AMN1: variants seen among roughly 807,000 people sequenced by gnomAD.
AMN1 encodes protein AMN1 homolog.
A neutral mutation model predicts 33.0 loss-of-function variants in AMN1; 20 were observed. The ratio of observed to expected loss-of-function variants is 0.61; its 90% CI spans 0.43 to 0.88. The LOEUF (loss-of-function observed/expected upper bound fraction) is 0.88. Among genes scored for constraint, AMN1 ranks in the 40% least tolerant of loss-of-function variants. The pLI, the probability that AMN1 is intolerant of heterozygous loss-of-function variation, is 0.00. For synonymous variants in AMN1, 114 were observed against 111.9 expected (o/e 1.02, Z -0.12); for missense variants, 246 against 307.4 (o/e 0.80, Z 1.49).
At chr12:31,684,829 C>T (rs1244011491) in intron 6 of AMN1, among the ~76,000 whole-genome samples, 1 of 152,012 alleles carries the variant, frequency 6.6e-6, no homozygotes, top group African/African-American at 2.4e-5. Context: ...TTGAAAAATA[C>T]TACCAGAAAG....
At chr12:31,697,306 T>C in intron 5 of AMN1, 55 bp downstream of exon 5, 1 of 1,495,738 alleles carries the variant, frequency 6.7e-7, no homozygotes, top group South Asian at 1.2e-5. Context: ...TAAACATAAT[T>C]TCTAAGAATA....
At chr12:31,673,566 C>T in intron 6 of AMN1, 1 of 381,414 alleles carries the variant, frequency 2.6e-6, no homozygotes, top group East Asian at 7.9e-5. Flanking sequence ...TAAATGGCAA[C>T]CATGACAAAG....
At chr12:31,689,578 C>T (rs1242903663) in intron 5 of AMN1, among the ~76,000 whole-genome samples, 1 of 152,102 alleles carries the variant, frequency 6.6e-6, no homozygotes, top group Non-Finnish European at 1.5e-5. Flanking sequence ...CTTTGGCAAA[C>T]AGTATGGTAG....
chr12:31,716,407 A>G (rs1228548584), intron 1 of AMN1, among the ~76,000 whole-genome samples: 1 of 152,162 alleles, frequency 6.6e-6, no homozygotes, highest in Non-Finnish European at 1.5e-5. Context: ...TAGGGTAGGC[A>G]TATGTTTAGC....
intron 1 of AMN1, among the ~76,000 whole-genome samples, chr12:31,719,666 G>A (rs1211287366): frequency 1.3e-5 from 2 of 152,082 alleles, no homozygotes; most frequent in Non-Finnish European, 2.9e-5. Context: ...ATGTAATTTG[G>A]TACAAGCATC....
At chr12:31,722,449 A>C (rs1359393635) in intron 1 of AMN1, among the ~76,000 whole-genome samples, 2 of 152,130 alleles carry the variant, frequency 1.3e-5, no homozygotes, top group Non-Finnish European at 2.9e-5. Context: ...ACTTTTAAAA[A>C]ATCCACTAAA....
intron 1 of AMN1, chr12:31,719,165 C>T (rs1939791185): frequency 5.7e-6 from 1 of 174,728 alleles, no homozygotes; most frequent in African/African-American, 2.4e-5. Flanking sequence ...TCAGCTCGCC[C>T]TCCGTGGGCT....
chr12:31,702,079 T>C, intron 2 of AMN1, 72 bp from the exon 3 acceptor site: 9 of 1,360,298 alleles, frequency 6.6e-6, no homozygotes, highest in Non-Finnish European at 8.9e-6. Flanking sequence ...ATATTCAGTG[T>C]TTTGGTGGTC....
At chr12:31,677,027 G>A (rs760776837) in intron 6 of AMN1, among the ~76,000 whole-genome samples, 2 of 151,698 alleles carry the variant, frequency 1.3e-5, no homozygotes, top group South Asian at 2.1e-4. Flanking sequence ...GGCCGGGCGC[G>A]GCGGCTCACA....
chr12:31,681,665 G>A (rs546400442), intron 6 of AMN1, among the ~76,000 whole-genome samples: 5 of 152,254 alleles, frequency 3.3e-5, no homozygotes, highest in South Asian at 4.1e-4. Flanking sequence ...ATCAGCGTTC[G>A]TTTTACTGTA....
At position 31,687,687 on chromosome 12, in the gene AMN1, A is replaced by C. The variant is rs1277630220; in HGVS notation, c.703+1320T>G. Among the ~76,000 whole-genome samples the C allele has an allele frequency of 2.7e-4, 35 of 127,870 alleles. No individual in the cohort carries two copies. The highest frequency in any genetic ancestry group is 5.2e-4 in the Admixed American group (7 of 13,348). The allele number at this position is 127,870 out of a possible 152,430, so 83.9% of individuals were successfully genotyped here. A position where few individuals can be genotyped will look rare whatever the true frequency, so the allele number is the denominator to read the frequency against. On this transcript the variant is annotated intron_variant, in intron 6 of 6. Coordinates refer to ENST00000281471, the MANE Select transcript of AMN1 (RefSeq NM_001113402.2). The surrounding 1 kb of genome is among the most constrained non-coding windows in gnomAD (Gnocchi z 4.1). Reference sequence around the variant, plus strand: ...GGGTGACAGAGCGAGATTCTGTCTCAAAAAAAAAAAAAAGAATAATTGGAA... The same window carrying C: ...GGGTGACAGAGCGAGATTCTGTCTCCAAAAAAAAAAAAAGAATAATTGGAA...
intron 1 of AMN1, chr12:31,719,287 T>A (rs1939795689): frequency 2.2e-5 from 20 of 893,226 alleles, no homozygotes; most frequent in Non-Finnish European, 2.7e-5. Context: ...CTGGAGCTGT[T>A]CCCATTTAGC....
At chr12:31,679,532 A>G (rs1486077380) in intron 6 of AMN1, among the ~76,000 whole-genome samples, 2 of 152,106 alleles carry the variant, frequency 1.3e-5, no homozygotes, top group Middle Eastern at 3.2e-3. Context: ...CTCCATTTCA[A>G]AAAAAAGAAC....
chr12:31,725,860 T>C (rs1229455867), intron 1 of AMN1, among the ~76,000 whole-genome samples: 1 of 152,088 alleles, frequency 6.6e-6, no homozygotes, highest in African/African-American at 2.4e-5. Context: ...CATGCCCAGT[T>C]AATTTTTTTT....
At chr12:31,685,401 T>C (rs1938213300) in intron 6 of AMN1, among the ~76,000 whole-genome samples, 1 of 152,200 alleles carries the variant, frequency 6.6e-6, no homozygotes, top group African/African-American at 2.4e-5. Context: ...AATTCTACTT[T>C]TGTCTCCCTT....
In AMN1 at chr12:31,697,951, T is replaced by G; in HGVS notation, c.323A>C (p.Lys108Thr). 1 of 1,613,876 alleles carries G rather than the reference T, an allele frequency of 6.2e-7. No homozygotes were observed. Among genetic ancestry groups the G allele is most frequent in the Non-Finnish European group, 8.5e-7 (1 of 1,179,784 alleles). ...NRVSVTSEGI[K>T]AVASSCSYLH... ...GTATGAACAAGATGAAGCCACAGCT[T>G]TTATTCCTGGGGGAAAATATAATTA... Residue 108 changes from lysine to threonine, a missense_variant, in exon 4 of 7, where the codon AAA becomes ACA. By Grantham distance (78) the Lys-to-Thr change is moderately conservative. Transcript: ENST00000281471.
chr12:31,695,710 C>T lies in AMN1; in HGVS notation c.591+1651G>A, dbSNP rs987887049. 3.3e-5 allele frequency among the ~76,000 whole-genome samples: 5 copies of T among 151,854 alleles called. No homozygotes were observed. In the South Asian group the frequency reaches 8.3e-4, roughly 25 times the overall value. ...CCATGTTGGCCAGGCTGGTCTTGAA[C>T]TCCTGGCCTCAGGTGATCCACCTGT... On this transcript the variant is annotated intron_variant, in intron 5 of 6. Coordinates refer to ENST00000281471, the MANE Select transcript of AMN1 (RefSeq NM_001113402.2).
rs2062257 is a variant in AMN1 at position 31,683,252 on chromosome 12, A to G, written c.703+5755T>C. ...TGCAGGACTACAGGCGTGAGCTACC[A>G]CACCTGGCCAGAAAATGATATGCTA... On this transcript the variant is annotated intron_variant, in intron 6 of 6. Coordinates refer to ENST00000281471, the MANE Select transcript of AMN1 (RefSeq NM_001113402.2). The surrounding 1 kb of genome is among the most constrained non-coding windows in gnomAD (Gnocchi z 4.1). 0.99 allele frequency among the ~76,000 whole-genome samples: 150,041 copies of G among 152,316 alleles called. 73,951 individuals carry two copies. The highest frequency in any genetic ancestry group is 1 in the Middle Eastern group (294 of 294).
intron 6 of AMN1, among the ~76,000 whole-genome samples, chr12:31,685,029 T>G (rs1334682771): frequency 3.4e-5 from 5 of 146,722 alleles, no homozygotes; most frequent in East Asian, 2.0e-4. Context: ...TCCATAATTA[T>G]TATTTTTTTT....
Sources: gnomAD v4.1 joint callset for allele counts (sites outside exome capture counted in the v4.1 genomes callset) on GRCh38, gnomAD v4.1.1 for gene constraint, Gnocchi (gnomAD v3.1) non-coding constraint, MANE v1.5 for transcripts, NCBI Gene and HGNC (gene_info 2026-07-23, HGNC 2026-07-21) for gene names.